POLD1: variants seen among roughly 807,000 people sequenced by gnomAD.
The protein encoded by POLD1 is DNA polymerase delta catalytic subunit.
Under a neutral mutation model 129.7 loss-of-function variants are expected in POLD1, and 79 were observed. The ratio of observed to expected loss-of-function variants is 0.61; its 90% CI spans 0.51 to 0.73. The LOEUF (loss-of-function observed/expected upper bound fraction) is 0.73. POLD1 is among the 30% of genes least tolerant of loss of function. The pLI is 0.00. For synonymous variants in POLD1, 714 were observed against 683.3 expected (o/e 1.04, Z -0.70); for missense variants, 1,338 against 1,595.8 (o/e 0.84, Z 2.75).
intron 17 of POLD1, among the ~76,000 whole-genome samples, chr19:50,410,209 G>A (rs1200498025): frequency 6.6e-6 from 1 of 152,206 alleles, no homozygotes; most frequent in Non-Finnish European, 1.5e-5. Flanking sequence ...AAACCACAGA[G>A]GGCCTGAGTT....
chr19:50,389,345 C>G (rs1362828449), intron 1 of POLD1, among the ~76,000 whole-genome samples: 1 of 151,710 alleles, frequency 6.6e-6, no homozygotes, highest in Non-Finnish European at 1.5e-5. Context: ...TGATCTCAAA[C>G]TCCTGGGTTC....
At position 50,394,570 on chromosome 19, in the gene POLD1, G is replaced by A. The variant is rs1055333927; in HGVS notation, c.-1-4281G>A. 3.3e-5 allele frequency among the ~76,000 whole-genome samples: 5 copies of A among 152,140 alleles called. No individual in the cohort carries two copies. In the East Asian group the frequency reaches 7.8e-4, roughly 24 times the overall value. On this transcript the variant is annotated intron_variant, in intron 1 of 26. Transcript: ENST00000440232. Reference sequence around the variant, plus strand: ...CTCGGGAGGCTGAGGCAGGAGAATCGCTTGAAGCCAGGAGGCGAAGGTTGC... The same window carrying A: ...CTCGGGAGGCTGAGGCAGGAGAATCACTTGAAGCCAGGAGGCGAAGGTTGC...
Position 50,406,120 on chromosome 19 carries a change from G to A in POLD1, c.1243-62G>A, listed in dbSNP as rs915132163. 5.1e-5 allele frequency: 80 copies of A among 1,575,572 alleles called. No homozygotes were observed. In the Middle Eastern group the frequency reaches 6.8e-4, roughly 13 times the overall value. Reference sequence around the variant, plus strand: ...GATGTTGTGGTTGGTCTCAATCTCCGTTCTTCAGGCTTATGTGACGGGGAC... The same window carrying A: ...GATGTTGTGGTTGGTCTCAATCTCCATTCTTCAGGCTTATGTGACGGGGAC... On this transcript the variant is annotated intron_variant, in intron 10 of 26. Transcript: ENST00000440232. The surrounding 1 kb of genome is among the most constrained non-coding windows in gnomAD (Gnocchi z 5.5).
At position 50,402,221 on chromosome 19, in the gene POLD1, C is replaced by T. The variant is rs200405635; in HGVS notation, c.606C>T (p.His202=). ...LCSRESMFGY[H]GHGPSPFLRI... ...CATCCACAGGCATGTTTGGGTACCACGGGCACGGCCCCTCCCCGTTCCTGC... is the reference window on the plus strand; with the variant it reads ...CATCCACAGGCATGTTTGGGTACCATGGGCACGGCCCCTCCCCGTTCCTGC... Residue 202 remains histidine, a synonymous_variant, in exon 6 of 27, where the codon CAC becomes CAT. Coordinates refer to ENST00000440232, the MANE Select transcript of POLD1 (RefSeq NM_002691.4). 21 of 1,584,510 alleles carry T rather than the reference C, an allele frequency of 1.3e-5. 1 individual carries two copies. In the Admixed American group the frequency reaches 1.4e-4, roughly 11 times the overall value.
At chr19:50,404,014 G>A (rs1425527124) in intron 10 of POLD1, among the ~76,000 whole-genome samples, 1 of 152,144 alleles carries the variant, frequency 6.6e-6, no homozygotes, top group Non-Finnish European at 1.5e-5. Context: ...GTGTAAGGGT[G>A]GATTCCTCTG....
chr19:50,393,396 G>A (rs964744606), intron 1 of POLD1, among the ~76,000 whole-genome samples: 2 of 152,164 alleles, frequency 1.3e-5, no homozygotes, highest in Non-Finnish European at 1.5e-5. Context: ...ATGGCTGGGC[G>A]TGGTGGTTCA....
intron 24 of POLD1, 33 bp from the exon 25 acceptor site, chr19:50,417,011 GC>G: frequency 1.3e-6 from 2 of 1,542,066 alleles, no homozygotes; most frequent in Non-Finnish European, 1.7e-6. Flanking sequence ...TCCTGGCTGG[GC>G]CCCAGCACTT....
chr19:50,409,773 C>A lies in POLD1; in HGVS notation c.2154+107C>A. The A allele has an allele frequency of 8.2e-7, 1 of 1,224,742 alleles. No homozygotes were observed. Among genetic ancestry groups the A allele is most frequent in the Non-Finnish European group, 1.1e-6 (1 of 873,358 alleles). 75.9% of individuals were successfully genotyped at this position (1,224,742 alleles called of 1,614,324 possible). A position where few individuals can be genotyped will look rare whatever the true frequency, so the allele number is the denominator to read the frequency against. On this transcript the variant is annotated intron_variant, in intron 17 of 26. Transcript: ENST00000440232. This position sits in a 1 kb window ranked among gnomAD's most constrained non-coding sequence, Gnocchi z 5.8. ...GTATCCAGAGGACTGGGCACCCCAA[C>A]TCACTGGCCTTCTAGAGAGAGGATG... is the stretch of plus-strand genomic sequence containing the variant.
At position 50,417,321 on chromosome 19, in the gene POLD1, G is replaced by A. The variant is rs1433007435; in HGVS notation, c.3218+52G>A. The A allele has an allele frequency of 1.1e-5, 15 of 1,344,696 alleles. No homozygotes were observed. The South Asian group carries it at 1.1e-4, about 10-fold the overall frequency. 83.3% of individuals were successfully genotyped at this position (1,344,696 alleles called of 1,614,324 possible). A position where few individuals can be genotyped will look rare whatever the true frequency, so the allele number is the denominator to read the frequency against. ...TGCCCCGCCCCTTCCCAGCTCCCAGGCCTGTGGGTTGTGGACCCAACCTCT... is the reference window on the plus strand; with the variant it reads ...TGCCCCGCCCCTTCCCAGCTCCCAGACCTGTGGGTTGTGGACCCAACCTCT... On this transcript the variant is annotated intron_variant, in intron 26 of 26. Coordinates refer to ENST00000440232, the MANE Select transcript of POLD1 (RefSeq NM_002691.4).
chr19:50,402,081 G>T lies in POLD1; in HGVS notation c.546G>T (p.Leu182=). 1.2e-6 allele frequency: 2 copies of T among 1,613,988 alleles called. No homozygotes were observed. The highest frequency in any genetic ancestry group is 8.5e-7 in the Non-Finnish European group (1 of 1,179,954). ...GGGACAGTCGCGGGGGGAGGGAGCT[G>T]ACTGGGCCGGCCGTGCTGGCTGTGG... The part of the protein sequence containing the change: ...ISRDSRGGRE[L]TGPAVLAVEL... The change falls in exon 5 of 27, where the codon CTG becomes CTT. Residue 182 remains leucine, a synonymous_variant. Transcript: ENST00000440232.
intron 1 of POLD1, among the ~76,000 whole-genome samples, chr19:50,386,949 T>C (rs1303254736): frequency 1.3e-5 from 2 of 152,042 alleles, no homozygotes; most frequent in Non-Finnish European, 2.9e-5. Flanking sequence ...TCCCAGCACT[T>C]TGGGAGGCCG....
Position 50,415,258 on chromosome 19 carries a change from G to A in POLD1, c.2565-180G>A, listed in dbSNP as rs1274611. On this transcript the variant is annotated intron_variant, in intron 20 of 26. Coordinates refer to ENST00000440232, the MANE Select transcript of POLD1 (RefSeq NM_002691.4). Reference sequence around the variant, plus strand: ...GTGAAGCAGTGGAAAGAGTCGGCTTGGGCAGCTGTGGGTTCAGGCCCTGCC... The same window carrying A: ...GTGAAGCAGTGGAAAGAGTCGGCTTAGGCAGCTGTGGGTTCAGGCCCTGCC... 0.033 allele frequency among the ~76,000 whole-genome samples: 4,991 copies of A among 152,224 alleles called. 270 individuals are homozygous for A. The highest frequency in any genetic ancestry group is 0.11 in the African/African-American group (4,698 of 41,504).
chr19:50,394,049 C>T (rs1027528361), intron 1 of POLD1: 6 of 152,236 alleles, frequency 3.9e-5, no homozygotes, highest in Admixed American at 1.3e-4. Flanking sequence ...CTCCACATAA[C>T]GCTTTGGAAG....
intron 1 of POLD1, among the ~76,000 whole-genome samples, chr19:50,393,408 A>G (rs2546555): frequency 0.072 from 10,899 of 152,186 alleles, 1,300 homozygotes; most frequent in African/African-American, 0.24. Flanking sequence ...GGTGGTTCAT[A>G]CCTGTAATCC....
chr19:50,411,553 T>C (rs1453692534), intron 17 of POLD1, among the ~76,000 whole-genome samples: 1 of 152,186 alleles, frequency 6.6e-6, no homozygotes, highest in Non-Finnish European at 1.5e-5. Context: ...AAAAATGCAA[T>C]GAATTGGCTG....
chr19:50,400,907 A>G (rs963367254), intron 3 of POLD1, among the ~76,000 whole-genome samples: 2 of 150,928 alleles, frequency 1.3e-5, no homozygotes, highest in African/African-American at 4.9e-5. Context: ...CGTTTTAGCC[A>G]GGATGGTCTT....
In POLD1 at chr19:50,417,682, AC is replaced by A. The variant is rs1181000676; in HGVS notation, c.3219-152del. ...CCGCTGTTATCGGCTCCCCCCCCCC[AC>A]CCCCCCCGTGCCTGCTGAGCAAACA... is the stretch of plus-strand genomic sequence containing the variant. On this transcript the variant is annotated intron_variant, in intron 26 of 26. Transcript: ENST00000440232. Among the ~76,000 whole-genome samples the A allele has an allele frequency of 1.1e-3, 86 of 77,430 alleles. 1 individual carries two copies. The East Asian group carries it at 0.015, about 13-fold the overall frequency. 50.8% of individuals were successfully genotyped at this position (77,430 alleles called of 152,430 possible).
rs1268050885 is a variant in POLD1 at position 50,403,236 on chromosome 19, G to T, written c.1137+17G>T. The stretch of plus-strand genomic sequence containing the variant: ...CTGCTGCAGGTAGCTCTCGCTCCAC[G>T]CCCCACACCATTTCCCGGGGTCCCC... On this transcript the variant is annotated intron_variant, in intron 9 of 26. Coordinates refer to ENST00000440232, the MANE Select transcript of POLD1 (RefSeq NM_002691.4). The T allele has an allele frequency of 1.3e-6, 2 of 1,531,694 alleles. No individual in the cohort carries two copies. The highest frequency in any genetic ancestry group is 1.8e-6 in the Non-Finnish European group (2 of 1,135,002). The allele number at this position is 1,531,694 out of a possible 1,614,324, so 94.9% of individuals were successfully genotyped here.
chr19:50,391,390 C>T (rs543615597), intron 1 of POLD1, among the ~76,000 whole-genome samples: 1 of 152,184 alleles, frequency 6.6e-6, no homozygotes, highest in Admixed American at 6.5e-5. Flanking sequence ...CACGCCACTG[C>T]ACTCCAGCCT....
Sources: gnomAD v4.1 joint callset for allele counts (sites outside exome capture counted in the v4.1 genomes callset) on GRCh38, gnomAD v4.1.1 for gene constraint, Gnocchi (gnomAD v3.1) non-coding constraint, MANE v1.5 for transcripts, NCBI Gene and HGNC (gene_info 2026-07-23, HGNC 2026-07-21) for gene names.